PTPRD: variants seen among roughly 807,000 people sequenced by gnomAD.
The protein encoded by PTPRD is receptor-type tyrosine-protein phosphatase delta.
Under a neutral mutation model 214.5 loss-of-function variants are expected in PTPRD, and 34 were observed. The observed-to-expected ratio is 0.16, with a 90% CI of 0.12 to 0.21. PTPRD has a LOEUF of 0.21. Among genes scored for constraint, PTPRD ranks in the 10% least tolerant of loss-of-function variants. The probability of loss-of-function intolerance (pLI) is 1.00; values close to 1 mark genes in which losing one functional copy is unlikely to be tolerated. For synonymous variants in PTPRD, 1,128 were observed against 845.7 expected (o/e 1.33, Z -5.79); for missense variants, 2,545 against 2,398.7 (o/e 1.06, Z -1.27).
intron 9 of PTPRD, among the ~76,000 whole-genome samples, chr9:9,226,474 G>A (rs1315649640): frequency 1.3e-5 from 2 of 151,912 alleles, no homozygotes; most frequent in Non-Finnish European, 2.9e-5. Context: ...TCAGCCCAGG[G>A]AATTTAGTGG....
intron 7 of PTPRD, among the ~76,000 whole-genome samples, chr9:9,631,802 T>G (rs544990536): frequency 1.3e-5 from 2 of 152,294 alleles, no homozygotes; most frequent in South Asian, 4.1e-4. Flanking sequence ...GAGCCTCATT[T>G]ACACCACAAG....
At chr9:8,935,401 C>G (rs1176523766) in intron 11 of PTPRD, among the ~76,000 whole-genome samples, 2 of 114,356 alleles carry the variant, frequency 1.7e-5, no homozygotes, top group African/African-American at 6.8e-5. Flanking sequence ...ATAAATTTAA[C>G]CAGTGAATCG....
At chr9:10,164,427 G>A (rs1421394387) in intron 3 of PTPRD, among the ~76,000 whole-genome samples, 2 of 151,130 alleles carry the variant, frequency 1.3e-5, no homozygotes, top group Admixed American at 6.6e-5. Context: ...GTTTGCCATC[G>A]ATGCATTACA....
chr9:10,094,812 A>G (rs977199502), intron 3 of PTPRD, among the ~76,000 whole-genome samples: 1 of 151,450 alleles, frequency 6.6e-6, no homozygotes, highest in African/African-American at 2.4e-5. Context: ...TGTTTTGACA[A>G]CCAACAGTGA....
At chr9:9,030,842 T>C (rs1274010455) in intron 10 of PTPRD, among the ~76,000 whole-genome samples, 1 of 152,046 alleles carries the variant, frequency 6.6e-6, no homozygotes, top group Admixed American at 6.6e-5. Context: ...TATACATGTT[T>C]ACATGTCTAT....
chr9:8,664,025 C>T (rs548857757), intron 12 of PTPRD, among the ~76,000 whole-genome samples: 2 of 152,048 alleles, frequency 1.3e-5, no homozygotes, highest in African/African-American at 4.8e-5. Context: ...ATATTTCCTG[C>T]AGTCTTTTCA....
At chr9:10,119,627 A>G (rs1322745009) in intron 3 of PTPRD, among the ~76,000 whole-genome samples, 1 of 152,024 alleles carries the variant, frequency 6.6e-6, no homozygotes, top group Non-Finnish European at 1.5e-5. Context: ...AAGATATTGG[A>G]TGATAAAGCT....
At chr9:8,690,224 C>G (rs1202324284) in intron 12 of PTPRD, among the ~76,000 whole-genome samples, 1 of 151,662 alleles carries the variant, frequency 6.6e-6, no homozygotes, top group Non-Finnish European at 1.5e-5. Flanking sequence ...ACATAATTTT[C>G]TTCTTTAAAA....
chr9:9,595,568 G>T (rs1187950343), intron 7 of PTPRD, among the ~76,000 whole-genome samples: 2 of 149,482 alleles, frequency 1.3e-5, no homozygotes, highest in Non-Finnish European at 3.0e-5. Context: ...GTGTGTGTGT[G>T]TGTGTGTGTA....
At chr9:9,743,731 TACACACACACACACACAC>T (rs4008087) in intron 6 of PTPRD, among the ~76,000 whole-genome samples, 1 of 80,428 alleles carries the variant, frequency 1.2e-5, no homozygotes, top group Non-Finnish European at 2.3e-5. Context: ...ACTCAGTCTA[TACACACACACACACACAC>T]ACACACACAC....
chr9:9,140,191 G>GAA (rs71317401), intron 10 of PTPRD, among the ~76,000 whole-genome samples: 3,152 of 141,284 alleles, frequency 0.022, 115 homozygotes, highest in African/African-American at 0.074. Flanking sequence ...TCCATGCATG[G>GAA]AAAAAAAAAA....
At chr9:10,386,711 A>G (rs1456782785) in intron 2 of PTPRD, among the ~76,000 whole-genome samples, 2 of 151,886 alleles carry the variant, frequency 1.3e-5, no homozygotes, top group African/African-American at 4.8e-5. Context: ...AGAGAGAGAG[A>G]GACAAATAAA....
intron 10 of PTPRD, among the ~76,000 whole-genome samples, chr9:9,024,408 A>G (rs537791320): frequency 3.1e-4 from 43 of 139,676 alleles, no homozygotes; most frequent in African/African-American, 1.2e-3. Context: ...CAGGCTATAT[A>G]TTTGCATGAA....
chr9:9,110,448 C>T (rs1417246292), intron 10 of PTPRD, among the ~76,000 whole-genome samples: 1 of 152,062 alleles, frequency 6.6e-6, no homozygotes, highest in African/African-American at 2.4e-5. Context: ...AGTCTGAGAG[C>T]CAAATTGTTA....
intron 44 of PTPRD, among the ~76,000 whole-genome samples, chr9:8,329,096 G>T (rs1381103799): frequency 6.6e-6 from 1 of 152,116 alleles, no homozygotes; most frequent in African/African-American, 2.4e-5. Flanking sequence ...TGATCCTTTG[G>T]AGGAGAAGAG....
At chr9:8,723,531 G>A (rs890284669) in intron 12 of PTPRD, among the ~76,000 whole-genome samples, 1 of 152,130 alleles carries the variant, frequency 6.6e-6, no homozygotes, top group Non-Finnish European at 1.5e-5. Context: ...CAGGAATCTG[G>A]ATCTGGCTTA....
chr9:9,987,165 C>G (rs887700820), intron 4 of PTPRD, among the ~76,000 whole-genome samples: 1 of 152,124 alleles, frequency 6.6e-6, no homozygotes, highest in Non-Finnish European at 1.5e-5. Flanking sequence ...ACAACCTTTT[C>G]TCTGGGTAGG....
intron 2 of PTPRD, among the ~76,000 whole-genome samples, chr9:10,527,478 G>C (rs1335733650): frequency 2.6e-5 from 4 of 152,182 alleles, no homozygotes; most frequent in Non-Finnish European, 5.9e-5. Context: ...GCATTAGGTA[G>C]ACTGGAAGAA....
intron 11 of PTPRD, among the ~76,000 whole-genome samples, chr9:8,998,371 T>A (rs1398219490): frequency 6.6e-6 from 1 of 152,038 alleles, no homozygotes; most frequent in African/African-American, 2.4e-5. Flanking sequence ...TTAAGAATTA[T>A]GCTAAATCTA....
Sources: gnomAD v4.1 joint callset for allele counts (sites outside exome capture counted in the v4.1 genomes callset) on GRCh38, gnomAD v4.1.1 for gene constraint, MANE v1.5 for transcripts, NCBI Gene and HGNC (gene_info 2026-07-23, HGNC 2026-07-21) for gene names.